Variants in VSIG10 observed in about 807,000 individuals in gnomAD.
The protein encoded by VSIG10 is V-set and immunoglobulin domain-containing protein 10.
Under a neutral mutation model 58.7 loss-of-function variants are expected in VSIG10, and 48 were observed. The ratio of observed to expected loss-of-function variants is 0.82; its 90% CI spans 0.65 to 1.04. The LOEUF (loss-of-function observed/expected upper bound fraction) is 1.04. Among genes scored for constraint, VSIG10 ranks in the 50% least tolerant of loss-of-function variants. The pLI is 0.00. For missense variants in VSIG10, 628 were observed against 670.0 expected (o/e 0.94, Z 0.69); for synonymous variants, 260 against 267.1 (o/e 0.97, Z 0.26).
chr12:118,096,979 C>T (rs1404819055), intron 1 of VSIG10, among the ~76,000 whole-genome samples: 1 of 152,090 alleles, frequency 6.6e-6, no homozygotes, highest in Non-Finnish European at 1.5e-5. Context: ...GTGGAGGTTG[C>T]GGTGAGCCGA....
intron 6 of VSIG10, 39 bp from the exon 7 acceptor site, chr12:118,071,106 A>C (rs370305836): frequency 1.2e-4 from 182 of 1,578,806 alleles, no homozygotes; most frequent in Non-Finnish European, 1.5e-4. Flanking sequence ...ATCCAGTAAC[A>C]TCCACTTCAA....
rs760119584 is a variant in VSIG10, at chr12:118,079,391, GGCTT to G, written c.876_879del (p.Ser293ThrfsTer2). 6.2e-7 allele frequency: 1 copy of G among 1,613,966 alleles called. No individual in the cohort carries two copies. Among genetic ancestry groups the G allele is most frequent in the Admixed American group, 1.7e-5 (1 of 60,002 alleles). On this transcript the variant is annotated frameshift_variant, in exon 4 of 9. Transcript: ENST00000359236. LOFTEE classifies it high-confidence loss of function. ...GCGCCCGACTCTGGCCCAACTATGTGGCTTGTAACACACTTGAACTTCTTGCCAT... is the reference window on the plus strand; with the variant it reads ...GCGCCCGACTCTGGCCCAACTATGTGGTAACACACTTGAACTTCTTGCCAT...
rs2033148817 is a variant in VSIG10 at position 118,087,088 on chromosome 12, A to AG, written c.362-4660_362-4659insC. Among the ~76,000 whole-genome samples the AG allele has an allele frequency of 4.6e-5, 7 of 152,006 alleles. No individual in the cohort carries two copies. In the South Asian group the frequency reaches 8.3e-4, roughly 18 times the overall value. On this transcript the variant is annotated intron_variant, in intron 2 of 8. Coordinates refer to ENST00000359236, the MANE Select transcript of VSIG10 (RefSeq NM_019086.6). ...TAAATTTAAAAATTGAAAAAAAAAA[A>AG]AAAGAAAGAAAGAAAGAAACGGCGT...
chr12:118,082,604 T>G (rs1046987063), intron 2 of VSIG10, among the ~76,000 whole-genome samples, 175 bp from the exon 3 acceptor site: 7 of 152,152 alleles, frequency 4.6e-5, no homozygotes, highest in Admixed American at 2.0e-4. Context: ...CATTTAATCC[T>G]GGGTGACTAT....
At chr12:118,082,455 G>A in intron 2 of VSIG10, 26 bp from the exon 3 acceptor site, 1 of 1,592,836 alleles carries the variant, frequency 6.3e-7, no homozygotes, top group South Asian at 1.1e-5. Context: ...GGAATAGGAT[G>A]GCATTAATTA....
chr12:118,086,492 T>A (rs1283983245), intron 2 of VSIG10, among the ~76,000 whole-genome samples: 1 of 151,502 alleles, frequency 6.6e-6, no homozygotes, highest in Admixed American at 6.6e-5. Context: ...TGGGAAAGGC[T>A]GTGACACCTT....
rs112170296 is a variant in VSIG10, at chr12:118,088,118, G to C, written c.362-5689C>G. 4.3e-3 allele frequency among the ~76,000 whole-genome samples: 656 copies of C among 151,710 alleles called. 9 individuals carry two copies. Among genetic ancestry groups the C allele is most frequent in the African/African-American group, 0.015 (635 of 41,408 alleles). ...AAATTAGCCAGGCGTGGTGGCGCACGCCTGTAATCCCAGCTACTCGGGAAC... is the reference window on the plus strand; with the variant it reads ...AAATTAGCCAGGCGTGGTGGCGCACCCCTGTAATCCCAGCTACTCGGGAAC... On this transcript the variant is annotated intron_variant, in intron 2 of 8. Coordinates refer to ENST00000359236, the MANE Select transcript of VSIG10 (RefSeq NM_019086.6).
chr12:118,068,288 G>T, intron 8 of VSIG10, 89 bp downstream of exon 8: 1 of 1,355,940 alleles, frequency 7.4e-7, no homozygotes, highest in Non-Finnish European at 1.0e-6. Flanking sequence ...TCCCACCTTG[G>T]CCTCCCAAAG....
chr12:118,067,752 G>A lies in VSIG10; in HGVS notation c.1567+625C>T, dbSNP rs560847756. Among the ~76,000 whole-genome samples the A allele has an allele frequency of 5.3e-5, 8 of 152,090 alleles. No homozygotes were observed. In the South Asian group the frequency reaches 8.3e-4, roughly 16 times the overall value. On this transcript the variant is annotated intron_variant, in intron 8 of 8. Coordinates refer to ENST00000359236, the MANE Select transcript of VSIG10 (RefSeq NM_019086.6). The stretch of plus-strand genomic sequence containing the variant: ...GCTGGGATTATAGGCGTGAGCCACC[G>A]CACCTGGCCTGAACTGGTCTTGTAA...
intron 2 of VSIG10, among the ~76,000 whole-genome samples, chr12:118,094,825 C>T (rs753767787): frequency 2.0e-4 from 30 of 152,066 alleles, no homozygotes; most frequent in Non-Finnish European, 4.0e-4. Context: ...CAACCTCCGC[C>T]TCCCAGGTTC....
At chr12:118,085,513 G>A (rs1426668881) in intron 2 of VSIG10, among the ~76,000 whole-genome samples, 3 of 152,186 alleles carry the variant, frequency 2.0e-5, no homozygotes, top group Admixed American at 6.5e-5. Context: ...TTTATCTCTC[G>A]ATAGCTAAGC....
intron 2 of VSIG10, among the ~76,000 whole-genome samples, chr12:118,095,261 A>C (rs1356421105): frequency 6.6e-6 from 1 of 151,628 alleles, no homozygotes; most frequent in Non-Finnish European, 1.5e-5. Flanking sequence ...GGCTGGTCTC[A>C]AACTCCTGAC....
chr12:118,088,027 C>T (rs886793361), intron 2 of VSIG10, among the ~76,000 whole-genome samples: 2 of 151,492 alleles, frequency 1.3e-5, no homozygotes, highest in Admixed American at 6.6e-5. Context: ...GGGTGGATCA[C>T]GAGGTTAGGA....
chr12:118,069,330 TCCAA>T (rs1270148107), intron 7 of VSIG10, among the ~76,000 whole-genome samples: 1 of 151,754 alleles, frequency 6.6e-6, no homozygotes, highest in Non-Finnish European at 1.5e-5. Flanking sequence ...CCTCAAGTGA[TCCAA>T]CCACCTTGGC....
chr12:118,088,476 G>A (rs1021017474), intron 2 of VSIG10, among the ~76,000 whole-genome samples: 2 of 152,012 alleles, frequency 1.3e-5, no homozygotes, highest in Non-Finnish European at 2.9e-5. Flanking sequence ...CTTTCCCAAG[G>A]TCACACAGAC....
chr12:118,076,025 A>G (rs891370306), intron 4 of VSIG10, among the ~76,000 whole-genome samples: 5 of 152,312 alleles, frequency 3.3e-5, no homozygotes, highest in Middle Eastern at 3.4e-3. Flanking sequence ...ACACTTTTAC[A>G]CATAAAAACT....
At position 118,072,464 on chromosome 12, in the gene VSIG10, C is replaced by CAA. The variant is rs560409870; in HGVS notation, c.1220-997_1220-996dup. Reference sequence around the variant, plus strand: ...TGGGTGACAGAGCAAGACTCCGTCTCAAAAAAAAAAAAGAAAGAAAGAGGA... The same window carrying CAA: ...TGGGTGACAGAGCAAGACTCCGTCTCAAAAAAAAAAAAAAGAAAGAAAGAGGA... On this transcript the variant is annotated intron_variant, in intron 5 of 8. Coordinates refer to ENST00000359236, the MANE Select transcript of VSIG10 (RefSeq NM_019086.6). 5.1e-3 allele frequency among the ~76,000 whole-genome samples: 441 copies of CAA among 86,590 alleles called. 3 individuals are homozygous for CAA. The highest frequency in any genetic ancestry group is 6.2e-3 in the Non-Finnish European group (280 of 45,286). 56.8% of individuals were successfully genotyped at this position (86,590 alleles called of 152,430 possible).
intron 1 of VSIG10, among the ~76,000 whole-genome samples, chr12:118,100,673 C>A (rs1032484342): frequency 6.6e-6 from 1 of 152,112 alleles, no homozygotes; most frequent in Non-Finnish European, 1.5e-5. Context: ...GGATTACAGG[C>A]ACCCGCCATC....
chr12:118,067,280 TC>T (rs1352276914), intron 8 of VSIG10, among the ~76,000 whole-genome samples: 15 of 152,130 alleles, frequency 9.9e-5, no homozygotes, highest in Admixed American at 7.2e-4. Context: ...CACTTTGGCC[TC>T]CCAAAGTGCT....
Sources: allele counts gnomAD v4.1 joint callset (sites outside exome capture counted in the v4.1 genomes callset), GRCh38; gene constraint gnomAD v4.1.1; transcripts MANE v1.5; gene names NCBI Gene and HGNC (gene_info 2026-07-23, HGNC 2026-07-21).